PKHD1: variants seen among roughly 807,000 people sequenced by gnomAD.
PKHD1 encodes fibrocystin.
PKHD1 carries 291 observed loss-of-function variants against 412.0 expected under a neutral mutation model. The ratio of observed to expected loss-of-function variants is 0.71; its 90% CI spans 0.64 to 0.78. The LOEUF (loss-of-function observed/expected upper bound fraction) is 0.78. PKHD1 is among the 30% of genes least tolerant of loss of function. The probability of loss-of-function intolerance (pLI) is 0.00; values close to 1 mark genes in which losing one functional copy is unlikely to be tolerated. For synonymous variants in PKHD1, 1,777 were observed against 1,821.5 expected (o/e 0.98, Z 0.62); for missense variants, 4,825 against 4,950.7 (o/e 0.97, Z 0.76).
At chr6:51,772,645 G>T in intron 55 of PKHD1, 57 bp downstream of exon 55, 1 of 819,960 alleles carries the variant, frequency 1.2e-6, no homozygotes, top group Non-Finnish European at 2.0e-6. Context: ...AAAATCTCAA[G>T]CAGAAGCAAC....
At chr6:51,770,854 A>C (rs1019786088) in intron 55 of PKHD1, among the ~76,000 whole-genome samples, 4 of 152,090 alleles carry the variant, frequency 2.6e-5, no homozygotes, top group Admixed American at 6.6e-5. Context: ...TACTCAATCA[A>C]ACACTAATCT....
chr6:51,881,959 T>C (rs4715253), intron 46 of PKHD1, among the ~76,000 whole-genome samples: 52,357 of 152,038 alleles, frequency 0.34, 9,982 homozygotes, highest in East Asian at 0.74. Context: ...TTTTTGATTA[T>C]CTCATGATAG....
At chr6:51,696,847 A>G (rs1778859030) in intron 60 of PKHD1, among the ~76,000 whole-genome samples, 1 of 152,174 alleles carries the variant, frequency 6.6e-6, no homozygotes. Context: ...AATTAACTGT[A>G]AAAGAGAAGA....
intron 60 of PKHD1, among the ~76,000 whole-genome samples, chr6:51,691,611 C>T (rs943955166): frequency 6.6e-6 from 1 of 152,076 alleles, no homozygotes; most frequent in Non-Finnish European, 1.5e-5. Flanking sequence ...ATGAGGGGAA[C>T]ACACAGACAC....
chr6:51,674,249 G>A (rs1582001253), intron 60 of PKHD1, among the ~76,000 whole-genome samples: 1 of 152,180 alleles, frequency 6.6e-6, no homozygotes, highest in Non-Finnish European at 1.5e-5. Context: ...GCTTAGGAGA[G>A]CTGTAGGTAC....
chr6:51,647,962 T>C lies in PKHD1; in HGVS notation c.11398+69A>G. ...TACCAATTTTGCTATGAATTCCTAA[T>C]GGCTGCAAACATTTTCTGTGCAGAT... On this transcript the variant is annotated intron_variant, in intron 63 of 66. Transcript: ENST00000371117. 3 of 941,452 alleles carry C rather than the reference T, an allele frequency of 3.2e-6. No individual in the cohort carries two copies. The Middle Eastern group carries it at 6.7e-4, about 209-fold the overall frequency. 58.3% of individuals were successfully genotyped at this position (941,452 alleles called of 1,614,324 possible). A position where few individuals can be genotyped will look rare whatever the true frequency, so the allele number is the denominator to read the frequency against.
intron 36 of PKHD1, among the ~76,000 whole-genome samples, chr6:51,934,805 T>A (rs1489509456): frequency 2.0e-5 from 3 of 152,320 alleles, no homozygotes; most frequent in Admixed American, 2.0e-4. Context: ...CTTTCTTTTG[T>A]TAACAGACCC....
chr6:51,945,258 C>G lies in PKHD1; in HGVS notation c.5909-10936G>C, dbSNP rs138121868. On this transcript the variant is annotated intron_variant, in intron 36 of 66. Transcript: ENST00000371117. ...GCCGCATTGTAAATAGTCAGGAAAT[C>G]TAAACTGACCTTGATGAGCAAGTGG... Among the ~76,000 whole-genome samples the G allele has an allele frequency of 2.3e-4, 35 of 152,294 alleles. 2 individuals are homozygous for G. Among genetic ancestry groups the G allele is most frequent in the African/African-American group, 5.5e-4 (23 of 41,548 alleles).
At chr6:51,883,558 C>T (rs1405984626) in intron 45 of PKHD1, among the ~76,000 whole-genome samples, 1 of 152,190 alleles carries the variant, frequency 6.6e-6, no homozygotes, top group African/African-American at 2.4e-5. Flanking sequence ...CATCCAAGAA[C>T]TCTAGTGCTT....
intron 8 of PKHD1, among the ~76,000 whole-genome samples, chr6:52,071,711 T>G (rs1810637471): frequency 6.6e-6 from 1 of 152,214 alleles, no homozygotes; most frequent in African/African-American, 2.4e-5. Flanking sequence ...ATCCCAGGTC[T>G]GCCACTTGCT....
intron 35 of PKHD1, 152 bp downstream of exon 35, chr6:52,010,157 G>T: frequency 1.5e-6 from 1 of 682,778 alleles, no homozygotes; most frequent in Admixed American, 2.4e-5. Context: ...TATGAATTCA[G>T]ATATTGTGCA....
intron 60 of PKHD1, among the ~76,000 whole-genome samples, chr6:51,685,993 C>A (rs1414749941): frequency 6.6e-6 from 1 of 152,154 alleles, no homozygotes; most frequent in Admixed American, 6.5e-5. Context: ...TTCCATTCCA[C>A]TTATCCACGT....
chr6:51,742,299 A>G (rs1784652198), intron 60 of PKHD1, among the ~76,000 whole-genome samples: 1 of 152,224 alleles, frequency 6.6e-6, no homozygotes, highest in African/African-American at 2.4e-5. Flanking sequence ...CCAATACTGT[A>G]GTCCTTACAG....
intron 60 of PKHD1, among the ~76,000 whole-genome samples, chr6:51,690,048 C>T (rs765320884): frequency 1.2e-4 from 18 of 151,814 alleles, no homozygotes; most frequent in Admixed American, 2.6e-4. Flanking sequence ...CAGAGATGGG[C>T]GGATCACAGG....
intron 45 of PKHD1, among the ~76,000 whole-genome samples, chr6:51,884,246 T>C (rs1446740587): frequency 6.6e-6 from 1 of 152,224 alleles, no homozygotes; most frequent in Non-Finnish European, 1.5e-5. Flanking sequence ...TGTGACCATC[T>C]AGTTATACAA....
At chr6:51,721,050 G>C in intron 60 of PKHD1, 1 of 982,564 alleles carries the variant, frequency 1.0e-6, no homozygotes, top group Non-Finnish European at 1.2e-6. Flanking sequence ...GGTCAATAAG[G>C]CTCTGGGGGA....
rs757454327 is a variant in PKHD1 at position 51,616,264 on chromosome 6, G to A, written c.*2817C>T. The A allele has an allele frequency of 1.0e-4, 16 of 159,926 alleles. No homozygotes were observed. The highest frequency in any genetic ancestry group is 1.9e-4 in the Non-Finnish European group (14 of 73,346). 9.9% of individuals were successfully genotyped at this position (159,926 alleles called of 1,614,324 possible). A position where few individuals can be genotyped will look rare whatever the true frequency, so the allele number is the denominator to read the frequency against. ...TTTTAGCTTGTCCAATCTCTTGAGAGAAATGAGTCCATCAATACAGAAAAT... is the reference window on the plus strand; with the variant it reads ...TTTTAGCTTGTCCAATCTCTTGAGAAAAATGAGTCCATCAATACAGAAAAT... On this transcript the variant is annotated 3_prime_UTR_variant, in exon 67 of 67. Transcript: ENST00000371117.
At chr6:52,045,177 GT>G (rs1034688238) in intron 24 of PKHD1, 89 bp from the exon 25 acceptor site, 1 of 1,277,776 alleles carries the variant, frequency 7.8e-7, no homozygotes, top group African/African-American at 1.5e-5. Context: ...TTCACATTGT[GT>G]TTCAGATAAT....
intron 64 of PKHD1, among the ~76,000 whole-genome samples, chr6:51,638,080 G>A (rs1768820063): frequency 6.6e-6 from 1 of 152,114 alleles, no homozygotes; most frequent in Non-Finnish European, 1.5e-5. Context: ...ACCCAGATAT[G>A]TTTATTTGTA....
Sources: gnomAD v4.1 joint callset for allele counts (sites outside exome capture counted in the v4.1 genomes callset) on GRCh38, gnomAD v4.1.1 for gene constraint, MANE v1.5 for transcripts, NCBI Gene and HGNC (gene_info 2026-07-23, HGNC 2026-07-21) for gene names.